The following PRKAG2 variants were observed in gnomAD, a reference collection of about 807,000 sequenced individuals.
PRKAG2 encodes 5'-AMP-activated protein kinase subunit gamma-2.
A neutral mutation model predicts 69.6 loss-of-function variants in PRKAG2; 26 were observed. The observed-to-expected ratio is 0.37, with a 90% CI of 0.27 to 0.52. PRKAG2 has a LOEUF of 0.52. PRKAG2 is among the 20% of genes least tolerant of loss of function. The pLI, the probability that PRKAG2 is intolerant of heterozygous loss-of-function variation, is 0.90. For missense variants in PRKAG2, 557 were observed against 740.0 expected, an observed-to-expected ratio of 0.75 and a Z score of 2.87; for synonymous variants, 293 against 285.0, an observed-to-expected ratio of 1.03 and a Z score of -0.28.
chr7:151,865,315 G>A (rs2080036832), intron 1 of PRKAG2, among the ~76,000 whole-genome samples: 1 of 152,264 alleles, frequency 6.6e-6, no homozygotes, highest in Non-Finnish European at 1.5e-5. Context: ...AGGCTGTCCT[G>A]GGGCCCAGCT....
chr7:151,694,618 G>A (rs1836282451), intron 3 of PRKAG2, among the ~76,000 whole-genome samples: 2 of 152,200 alleles, frequency 1.3e-5, no homozygotes, highest in Admixed American at 6.5e-5. Flanking sequence ...GGCAGCACCT[G>A]TCAGAATCTC....
chr7:151,631,846 GA>G, intron 5 of PRKAG2: 1 of 494,710 alleles, frequency 2.0e-6, no homozygotes, highest in Non-Finnish European at 3.8e-6. Context: ...TGCGCTCTGG[GA>G]GCCTGGCTCG....
At chr7:151,734,842 C>T (rs1586164568) in intron 3 of PRKAG2, among the ~76,000 whole-genome samples, 2 of 142,852 alleles carry the variant, frequency 1.4e-5, no homozygotes, top group South Asian at 4.4e-4. Flanking sequence ...CAGCCTAAAT[C>T]TGATTCTTTT....
chr7:151,649,724 G>T (rs574767485), intron 4 of PRKAG2, among the ~76,000 whole-genome samples: 25 of 152,136 alleles, frequency 1.6e-4, no homozygotes, highest in African/African-American at 5.8e-4. Flanking sequence ...TCCTGCTCCC[G>T]CCACGTGAGG....
chr7:151,658,194 T>TAAATAAAA lies in PRKAG2; in HGVS notation c.684+17225_684+17226insTTTTATTT, dbSNP rs1188245398. 9.9e-4 allele frequency among the ~76,000 whole-genome samples: 133 copies of TAAATAAAA among 133,848 alleles called. No individual in the cohort carries two copies. The South Asian group carries it at 0.017, about 17-fold the overall frequency. 87.8% of individuals were successfully genotyped at this position (133,848 alleles called of 152,430 possible). ...ATAAATAAATAAATAAATAAATAAA[T>TAAATAAAA]AAGAATAATAGGGCTGGGTGCAGTG... On this transcript the variant is annotated intron_variant, in intron 4 of 15. Transcript: ENST00000287878.
intron 1 of PRKAG2, among the ~76,000 whole-genome samples, chr7:151,789,557 C>A (rs1170946931): frequency 6.9e-6 from 1 of 145,226 alleles, no homozygotes; most frequent in Non-Finnish European, 1.5e-5. Flanking sequence ...TCACGTCAGC[C>A]CCCTGCTAAG....
At chr7:151,596,790 A>T (rs942234014) in intron 5 of PRKAG2, among the ~76,000 whole-genome samples, 3 of 152,152 alleles carry the variant, frequency 2.0e-5, no homozygotes, top group African/African-American at 7.2e-5. Flanking sequence ...ATTGAAGAAG[A>T]TACAAATAAA....
chr7:151,580,753 T>C (rs925558765), intron 6 of PRKAG2, among the ~76,000 whole-genome samples: 1 of 140,436 alleles, frequency 7.1e-6, no homozygotes, highest in Non-Finnish European at 1.5e-5. Context: ...ACTGAACTCA[T>C]GGAAATAGAG....
intron 5 of PRKAG2, among the ~76,000 whole-genome samples, chr7:151,622,366 G>A (rs950644289): frequency 1.3e-5 from 2 of 152,230 alleles, no homozygotes; most frequent in South Asian, 4.1e-4. Context: ...TCCTCTGACA[G>A]TTTCTACTAT....
At chr7:151,718,507 C>T (rs538811646) in intron 3 of PRKAG2, among the ~76,000 whole-genome samples, 5 of 151,496 alleles carry the variant, frequency 3.3e-5, no homozygotes, top group East Asian at 3.9e-4. Context: ...CCCAGTGCCA[C>T]GTGGGCCTCC....
chr7:151,629,239 A>T (rs1823780739), intron 5 of PRKAG2, among the ~76,000 whole-genome samples: 2 of 152,200 alleles, frequency 1.3e-5, no homozygotes, highest in Admixed American at 6.5e-5. Flanking sequence ...CTTTACAGAA[A>T]AAGTTGGCCG....
chr7:151,636,024 ATTTTTTTTAGTAGAGACTGG>A, intron 4 of PRKAG2, among the ~76,000 whole-genome samples: 1 of 150,256 alleles, frequency 6.7e-6, no homozygotes, highest in East Asian at 2.0e-4. Flanking sequence ...AATTTTTTGT[ATTTTTTTTAGTAGAGACTGG>A]GTTTCACCGT....
intron 3 of PRKAG2, among the ~76,000 whole-genome samples, chr7:151,755,788 G>C (rs2075042590): frequency 6.6e-6 from 1 of 152,210 alleles, no homozygotes; most frequent in African/African-American, 2.4e-5. Context: ...TTGCTGGGCA[G>C]AGTCATTTCC....
chr7:151,855,031 G>C (rs865821836), intron 1 of PRKAG2, among the ~76,000 whole-genome samples: 484 of 10,890 alleles, frequency 0.044, 24 homozygotes, highest in East Asian at 0.087. Context: ...CACACACCAT[G>C]CTCCACACAC....
intron 1 of PRKAG2, among the ~76,000 whole-genome samples, chr7:151,786,784 A>T (rs2077033140): frequency 6.6e-6 from 1 of 152,168 alleles, no homozygotes; most frequent in Admixed American, 6.5e-5. Context: ...CACCCCAGGG[A>T]AGGAGGAAAG....
intron 6 of PRKAG2, among the ~76,000 whole-genome samples, chr7:151,580,707 G>A (rs1810210763): frequency 6.6e-6 from 1 of 150,800 alleles, no homozygotes; most frequent in Admixed American, 6.7e-5. Flanking sequence ...AAGTTCACAT[G>A]TTCTCATCCA....
intron 4 of PRKAG2, among the ~76,000 whole-genome samples, chr7:151,648,212 T>C (rs779540549): frequency 3.9e-5 from 6 of 152,186 alleles, no homozygotes; most frequent in Non-Finnish European, 7.4e-5. Flanking sequence ...GGTGTCATTC[T>C]ATCATATCCC....
At chr7:151,669,178 T>C (rs935495824) in intron 4 of PRKAG2, among the ~76,000 whole-genome samples, 2 of 152,224 alleles carry the variant, frequency 1.3e-5, no homozygotes, top group African/African-American at 4.8e-5. Flanking sequence ...AGTCTATTCC[T>C]CTTTGTAGGA....
At chr7:151,619,519 T>C (rs1031909038) in intron 5 of PRKAG2, among the ~76,000 whole-genome samples, 11 of 152,144 alleles carry the variant, frequency 7.2e-5, no homozygotes, top group Non-Finnish European at 1.3e-4. Context: ...TCCACAAGGG[T>C]GGCTGAGACA....
Sources: gnomAD v4.1 joint callset for allele counts (sites outside exome capture counted in the v4.1 genomes callset) on GRCh38, gnomAD v4.1.1 for gene constraint, MANE v1.5 for transcripts, NCBI Gene and HGNC (gene_info 2026-07-23, HGNC 2026-07-21) for gene names.